The following MB21D2 variants were observed in gnomAD, a reference collection of about 807,000 sequenced individuals.
The protein encoded by MB21D2 is nucleotidyltransferase MB21D2.
Under a neutral mutation model 33.3 loss-of-function variants are expected in MB21D2, and 9 were observed. The observed-to-expected ratio is 0.27, with a 90% confidence interval of 0.16 to 0.47. The LOEUF (loss-of-function observed/expected upper bound fraction) is 0.47. MB21D2 is among the 20% of genes least tolerant of loss of function. MB21D2 has a pLI of 0.99. For synonymous variants in MB21D2, 241 were observed against 236.3 expected, an observed-to-expected ratio of 1.02 and a Z score of -0.18; for missense variants, 540 against 624.6, an observed-to-expected ratio of 0.86 and a Z score of 1.44.
At chr3:192,846,602 G>C (rs1196311684) in intron 1 of MB21D2, among the ~76,000 whole-genome samples, 1 of 152,002 alleles carries the variant, frequency 6.6e-6, no homozygotes, top group Non-Finnish European at 1.5e-5. Flanking sequence ...TTGGAGATTT[G>C]GGATCTCAGA....
intron 1 of MB21D2, among the ~76,000 whole-genome samples, chr3:192,820,926 G>C (rs1577172453): frequency 6.6e-6 from 1 of 151,912 alleles, no homozygotes; most frequent in East Asian, 1.9e-4. Flanking sequence ...ACCACACCCA[G>C]CTTTTTTTTA....
Position 192,799,008 on chromosome 3 carries a change from T to G in MB21D2, c.854A>C (p.Asn285Thr). Residue 285 changes from asparagine to threonine, a missense_variant, in exon 2 of 2, where the codon AAT becomes ACT. By Grantham distance (65) the Asn-to-Thr change is moderately conservative. Coordinates refer to ENST00000392452, the MANE Select transcript of MB21D2 (RefSeq NM_178496.4). The surrounding 1 kb of genome is among the most constrained non-coding windows in gnomAD (Gnocchi z 4.1). ...PACSYKGKKDNEWRLSFARSE... is the reference protein window; with the variant it reads ...PACSYKGKKDTEWRLSFARSE... ...CCTGGCAAAGGACAGCCGCCATTCATTGTCCTTCTTACCCTTGTAGGAGCA... is the reference window on the plus strand; with the variant it reads ...CCTGGCAAAGGACAGCCGCCATTCAGTGTCCTTCTTACCCTTGTAGGAGCA... 6.2e-7 allele frequency: 1 copy of G among 1,614,134 alleles called. No individual in the cohort carries two copies. The highest frequency in any genetic ancestry group is 8.5e-7 in the Non-Finnish European group (1 of 1,180,030).
chr3:192,803,384 C>T (rs982065283), intron 1 of MB21D2, among the ~76,000 whole-genome samples: 9 of 152,040 alleles, frequency 5.9e-5, no homozygotes, highest in African/African-American at 2.2e-4. Flanking sequence ...TGAAGAAAGC[C>T]CTTTAGTAGC....
intron 1 of MB21D2, among the ~76,000 whole-genome samples, chr3:192,889,285 T>C (rs1219343155): frequency 6.6e-6 from 1 of 151,504 alleles, no homozygotes; most frequent in Non-Finnish European, 1.5e-5. Context: ...TTATAACACA[T>C]AAAAAAGGGA....
In MB21D2 at chr3:192,821,454, G is replaced by A. The variant is rs529834996; in HGVS notation, c.212-21804C>T. The stretch of plus-strand genomic sequence containing the variant: ...CCTGGGAGACCGCAGAGCACCTGCA[G>A]CTTTCAAACACTATGGGATCCAGAA... On this transcript the variant is annotated intron_variant, in intron 1 of 1. Transcript: ENST00000392452. Among the ~76,000 whole-genome samples the A allele has an allele frequency of 2.0e-5, 3 of 152,256 alleles. No homozygotes were observed. The East Asian group carries it at 5.8e-4, about 29-fold the overall frequency.
Position 192,835,807 on chromosome 3 carries a change from C to T in MB21D2, c.212-36157G>A, listed in dbSNP as rs1577178065. ...CTAGAATTCATGGTGAAAAACCTGA[C>T]CTCCTTTGGAAGATCAAGAAGAAGA... On this transcript the variant is annotated intron_variant, in intron 1 of 1. Transcript: ENST00000392452. Among the ~76,000 whole-genome samples the T allele has an allele frequency of 5.9e-5, 9 of 151,586 alleles. 1 individual carries two copies. The Middle Eastern group carries it at 0.031, about 519-fold the overall frequency.
At chr3:192,913,147 G>T (rs933934314) in intron 1 of MB21D2, among the ~76,000 whole-genome samples, 4 of 152,204 alleles carry the variant, frequency 2.6e-5, no homozygotes, top group Admixed American at 6.5e-5. Context: ...TTTTATCCCA[G>T]CACTCTGGGA....
At chr3:192,907,960 T>C (rs185211316) in intron 1 of MB21D2, among the ~76,000 whole-genome samples, 2 of 152,308 alleles carry the variant, frequency 1.3e-5, no homozygotes, top group Non-Finnish European at 2.9e-5. Flanking sequence ...CTATGAGTCA[T>C]GAGTTGCAGT....
chr3:192,797,302 A>G lies in MB21D2; in HGVS notation c.*1084T>C, dbSNP rs1720542868. The stretch of plus-strand genomic sequence containing the variant: ...AGTTTTTCTCAAAACTCTCAGGAAG[A>G]GTAGAGATTTTACAAAAAAGCTTAC... On this transcript the variant is annotated 3_prime_UTR_variant, in exon 2 of 2. Coordinates refer to ENST00000392452, the MANE Select transcript of MB21D2 (RefSeq NM_178496.4). 1 of 152,632 alleles carries G rather than the reference A, an allele frequency of 6.6e-6. No homozygotes were observed. The highest frequency in any genetic ancestry group is 1.5e-5 in the Non-Finnish European group (1 of 68,034). The allele number at this position is 152,632 out of a possible 1,614,324, so 9.5% of individuals were successfully genotyped here.
intron 1 of MB21D2, among the ~76,000 whole-genome samples, chr3:192,906,222 T>C (rs955077384): frequency 2.0e-5 from 3 of 152,150 alleles, no homozygotes; most frequent in Admixed American, 2.0e-4. Flanking sequence ...CAGAGGGCCT[T>C]TTGAGGACTT....
intron 1 of MB21D2, among the ~76,000 whole-genome samples, chr3:192,853,911 G>C (rs1021361617): frequency 6.6e-6 from 1 of 152,130 alleles, no homozygotes; most frequent in African/African-American, 2.4e-5. Flanking sequence ...TGTTACTATT[G>C]TAATTGTCTT....
intron 1 of MB21D2, among the ~76,000 whole-genome samples, chr3:192,893,316 A>C (rs1713895261): frequency 6.6e-6 from 1 of 152,214 alleles, no homozygotes; most frequent in South Asian, 2.1e-4. Flanking sequence ...ACTGCCCTCA[A>C]ACCGACCACC....
At chr3:192,825,096 T>G (rs1403454424) in intron 1 of MB21D2, among the ~76,000 whole-genome samples, 1 of 152,196 alleles carries the variant, frequency 6.6e-6, no homozygotes, top group Non-Finnish European at 1.5e-5. Context: ...GTCCCCCATT[T>G]AGAAAGCCAG....
At chr3:192,814,822 G>A (rs1711883245) in intron 1 of MB21D2, among the ~76,000 whole-genome samples, 1 of 149,824 alleles carries the variant, frequency 6.7e-6, no homozygotes, top group African/African-American at 2.5e-5. Flanking sequence ...CTGAGATTGT[G>A]CCACTGCATT....
intron 1 of MB21D2, among the ~76,000 whole-genome samples, chr3:192,848,544 C>T (rs1712719352): frequency 6.6e-6 from 1 of 152,156 alleles, no homozygotes. Context: ...TTTCCTATTC[C>T]CAACAAAGAT....
chr3:192,840,791 A>C (rs1450494545), intron 1 of MB21D2, among the ~76,000 whole-genome samples: 1 of 152,242 alleles, frequency 6.6e-6, no homozygotes, highest in Non-Finnish European at 1.5e-5. Context: ...ATGAGGTTTT[A>C]GTTGGTTAAG....
At position 192,828,593 on chromosome 3, in the gene MB21D2, TATA is replaced by T. The variant is rs1712232773; in HGVS notation, c.212-28946_212-28944del. 1.3e-3 allele frequency among the ~76,000 whole-genome samples: 18 copies of T among 13,696 alleles called. 1 individual carries two copies. Among genetic ancestry groups the T allele is most frequent in the Non-Finnish European group, 1.6e-3 (5 of 3,186 alleles). The allele number at this position is 13,696 out of a possible 152,430, so 9.0% of individuals were successfully genotyped here. On this transcript the variant is annotated intron_variant, in intron 1 of 1. Transcript: ENST00000392452. Reference sequence around the variant, plus strand: ...TATACAATAAAACTCACCCCCCCCATATATATATATATATATATATATATATAT... The same window carrying T: ...TATACAATAAAACTCACCCCCCCCATTATATATATATATATATATATATAT...
At chr3:192,884,496 A>G (rs969987303) in intron 1 of MB21D2, among the ~76,000 whole-genome samples, 1 of 151,224 alleles carries the variant, frequency 6.6e-6, no homozygotes, top group Non-Finnish European at 1.5e-5. Flanking sequence ...CCTCCCGAGT[A>G]GCTGGGACTA....
rs142307535 is a variant in MB21D2, at chr3:192,877,450, C to T, written c.211+40180G>A. Among the ~76,000 whole-genome samples the T allele has an allele frequency of 6.3e-4, 96 of 152,252 alleles. 5 individuals carry two copies. The South Asian group carries it at 0.017, about 27-fold the overall frequency. ...GTTACCCTTCACCACACAGGTCATG[C>T]GTATCCTTTAACAATATCTGAATTT... On this transcript the variant is annotated intron_variant, in intron 1 of 1. Coordinates refer to ENST00000392452, the MANE Select transcript of MB21D2 (RefSeq NM_178496.4).
Sources: gnomAD v4.1 joint callset for allele counts (sites outside exome capture counted in the v4.1 genomes callset) on GRCh38, gnomAD v4.1.1 for gene constraint, Gnocchi (gnomAD v3.1) non-coding constraint, MANE v1.5 for transcripts, NCBI Gene and HGNC (gene_info 2026-07-23, HGNC 2026-07-21) for gene names.